LYNX1: variants seen among roughly 807,000 people sequenced by gnomAD.
LYNX1 encodes the protein ly-6/neurotoxin-like protein 1.
In LYNX1, 8 loss-of-function variants were observed where a neutral mutation model predicts 8.3. The observed-to-expected ratio is 0.97, with a 90% confidence interval of 0.57 to 1.74. The LOEUF (loss-of-function observed/expected upper bound fraction) is 1.74. Among genes scored for constraint, LYNX1 ranks in the 40% most tolerant of loss-of-function variants. The pLI, the probability that LYNX1 is intolerant of heterozygous loss-of-function variation, is 0.00. For missense variants in LYNX1, 158 were observed against 159.7 expected (o/e 0.99, Z 0.06); for synonymous variants, 73 against 67.9 (o/e 1.08, Z -0.37).
rs1167927558 is a variant in LYNX1 at position 142,772,260 on chromosome 8, T to A, written c.*2907A>T. 1 of 985,850 alleles carries A rather than the reference T, an allele frequency of 1.0e-6. No homozygotes were observed. The highest frequency in any genetic ancestry group is 1.7e-5 in the African/African-American group (1 of 57,242). The allele number at this position is 985,850 out of a possible 1,614,324, so 61.1% of individuals were successfully genotyped here. A position where few individuals can be genotyped will look rare whatever the true frequency, so the allele number is the denominator to read the frequency against. ...CCCCCATGAAGGGGACCCTCGGTTCTGCGAGAGAGATCCCCGAAGTGGGAA... is the reference window on the plus strand; with the variant it reads ...CCCCCATGAAGGGGACCCTCGGTTCAGCGAGAGAGATCCCCGAAGTGGGAA... On this transcript the variant is annotated 3_prime_UTR_variant, in exon 4 of 4. Coordinates refer to ENST00000652477, the MANE Select transcript of LYNX1 (RefSeq NM_177477.4).
chr8:142,776,156 C>A, intron 1 of LYNX1, 35 bp from the exon 2 acceptor site: 1 of 637,662 alleles, frequency 1.6e-6, no homozygotes, highest in Non-Finnish European at 2.8e-6. Context: ...GTGGTCAGTA[C>A]TGGGCCTGAA....
chr8:142,775,985 G>T lies in LYNX1; in HGVS notation c.-28C>A. 9 of 1,613,192 alleles carry T rather than the reference G, an allele frequency of 5.6e-6. No homozygotes were observed. Among genetic ancestry groups the T allele is most frequent in the Non-Finnish European group, 6.8e-6 (8 of 1,179,798 alleles). On this transcript the variant is annotated 5_prime_UTR_variant, in exon 2 of 4. Coordinates refer to ENST00000652477, the MANE Select transcript of LYNX1 (RefSeq NM_177477.4). ...CTGCAGGCAGGAGGGCAGCGTGGGA[G>T]TGGGGAGGTCAACAGCAGCTAGCCC...
At position 142,771,302 on chromosome 8, in the gene LYNX1, A is replaced by C. The variant is rs1356992327; in HGVS notation, c.*3865T>G. The C allele has an allele frequency of 2.0e-6, 2 of 985,438 alleles. No homozygotes were observed. Among genetic ancestry groups the C allele is most frequent in the Non-Finnish European group, 2.4e-6 (2 of 830,012 alleles). 61.0% of individuals were successfully genotyped at this position (985,438 alleles called of 1,614,324 possible). A position where few individuals can be genotyped will look rare whatever the true frequency, so the allele number is the denominator to read the frequency against. ...TTAGCAGCAGGGGCATGGCCCTGGG[A>C]AGCACCTGGACCCCAGAACATAAGA... On this transcript the variant is annotated 3_prime_UTR_variant, in exon 4 of 4. Coordinates refer to ENST00000652477, the MANE Select transcript of LYNX1 (RefSeq NM_177477.4).
Position 142,771,807 on chromosome 8 carries a change from C to A in LYNX1, c.*3360G>T, listed in dbSNP as rs950719927. On this transcript the variant is annotated 3_prime_UTR_variant, in exon 4 of 4. Coordinates refer to ENST00000652477, the MANE Select transcript of LYNX1 (RefSeq NM_177477.4). ...GAGGCGGCAGCTGGCCTGGCTCCCC[C>A]ACTTCCCCAGGACCTCCGCCTGGAG... 6.1e-6 allele frequency: 6 copies of A among 985,764 alleles called. No individual in the cohort carries two copies. The highest frequency in any genetic ancestry group is 6.1e-5 in the Admixed American group (1 of 16,276). The allele number at this position is 985,764 out of a possible 1,614,324, so 61.1% of individuals were successfully genotyped here.
chr8:142,773,285 C>T lies in LYNX1; in HGVS notation c.*1882G>A, dbSNP rs1214870112. Reference sequence around the variant, plus strand: ...GGGCCCTTGGGAGCTCTGGGAGGCACCTGGCAGCCTCCCAGACACCCCGGG... The same window carrying T: ...GGGCCCTTGGGAGCTCTGGGAGGCATCTGGCAGCCTCCCAGACACCCCGGG... On this transcript the variant is annotated 3_prime_UTR_variant, in exon 4 of 4. Coordinates refer to ENST00000652477, the MANE Select transcript of LYNX1 (RefSeq NM_177477.4). The T allele has an allele frequency of 2.0e-6, 2 of 985,266 alleles. No individual in the cohort carries two copies. Among genetic ancestry groups the T allele is most frequent in the Non-Finnish European group, 2.4e-6 (2 of 829,950 alleles). The allele number at this position is 985,266 out of a possible 1,614,324, so 61.0% of individuals were successfully genotyped here.
Position 142,774,717 on chromosome 8 carries a change from G to A in LYNX1, c.*450C>T, listed in dbSNP as rs587768132. 4.4e-4 allele frequency: 443 copies of A among 1,009,964 alleles called. 7 individuals carry two copies. The South Asian group carries it at 0.017, about 39-fold the overall frequency. The allele number at this position is 1,009,964 out of a possible 1,614,324, so 62.6% of individuals were successfully genotyped here. On this transcript the variant is annotated 3_prime_UTR_variant, in exon 4 of 4. Transcript: ENST00000652477. The stretch of plus-strand genomic sequence containing the variant: ...CTCAGTAGGAAGCGTGACTAGGCCT[G>A]GAGGAGCCTTTCCTCCTAAGAGTCT...
chr8:142,774,658 C>A lies in LYNX1; in HGVS notation c.*509G>T. The stretch of plus-strand genomic sequence containing the variant: ...GGTGCCAAAGGCCCTCCTCCCACAG[C>A]CCTGATCCCGTACCGGTCCTGGCAG... On this transcript the variant is annotated 3_prime_UTR_variant, in exon 4 of 4. Transcript: ENST00000652477. 1.0e-6 allele frequency: 1 copy of A among 989,794 alleles called. No individual in the cohort carries two copies. The highest frequency in any genetic ancestry group is 4.6e-5 in the South Asian group (1 of 21,540). The allele number at this position is 989,794 out of a possible 1,614,324, so 61.3% of individuals were successfully genotyped here.
At position 142,773,075 on chromosome 8, in the gene LYNX1, T is replaced by C. The variant is rs377589965; in HGVS notation, c.*2092A>G. 4 of 985,472 alleles carry C rather than the reference T, an allele frequency of 4.1e-6. No individual in the cohort carries two copies. Among genetic ancestry groups the C allele is most frequent in the Middle Eastern group, 5.2e-4 (1 of 1,916 alleles). 61.0% of individuals were successfully genotyped at this position (985,472 alleles called of 1,614,324 possible). ...CTGATCCTGGAGTCCCTCCCAGCCC[T>C]GGCTGAGGAAGCCACCCAACCCGAC... On this transcript the variant is annotated 3_prime_UTR_variant, in exon 4 of 4. Transcript: ENST00000652477.
In LYNX1 at chr8:142,774,990, A is replaced by T; in HGVS notation, c.*177T>A. 7.0e-7 allele frequency: 1 copy of T among 1,434,730 alleles called. No individual in the cohort carries two copies. The highest frequency in any genetic ancestry group is 9.1e-7 in the Non-Finnish European group (1 of 1,098,784). The allele number at this position is 1,434,730 out of a possible 1,614,324, so 88.9% of individuals were successfully genotyped here. On this transcript the variant is annotated 3_prime_UTR_variant, in exon 4 of 4. Coordinates refer to ENST00000652477, the MANE Select transcript of LYNX1 (RefSeq NM_177477.4). ...ACAGCATCGAAAGGTCAAGGCCTCG[A>T]AGTGAGGTCGTGTGGTGGTTGGGGG...
At position 142,772,492 on chromosome 8, in the gene LYNX1, C is replaced by T. The variant is rs367696695; in HGVS notation, c.*2675G>A. The T allele has an allele frequency of 1.0e-5, 10 of 985,360 alleles. No homozygotes were observed. The highest frequency in any genetic ancestry group is 2.3e-4 in the East Asian group (2 of 8,828). The allele number at this position is 985,360 out of a possible 1,614,324, so 61.0% of individuals were successfully genotyped here. A position where few individuals can be genotyped will look rare whatever the true frequency, so the allele number is the denominator to read the frequency against. On this transcript the variant is annotated 3_prime_UTR_variant, in exon 4 of 4. Transcript: ENST00000652477. ...AAGGAACCCCAGCTGGTGGGAGAAGCGGCTGCACTGTGGTGCAGGGGGTGG... is the reference window on the plus strand; with the variant it reads ...AAGGAACCCCAGCTGGTGGGAGAAGTGGCTGCACTGTGGTGCAGGGGGTGG...
At chr8:142,776,256 C>T (rs1815420679) in intron 1 of LYNX1, 135 bp from the exon 2 acceptor site, 1 of 485,600 alleles carries the variant, frequency 2.1e-6, no homozygotes, top group Non-Finnish European at 3.8e-6. Context: ...GAGGAGGAGA[C>T]ACTTGGGATG....
Position 142,771,524 on chromosome 8 carries a change from C to G in LYNX1, c.*3643G>C. 1 of 985,450 alleles carries G rather than the reference C, an allele frequency of 1.0e-6. No individual in the cohort carries two copies. Among genetic ancestry groups the G allele is most frequent in the Non-Finnish European group, 1.2e-6 (1 of 829,958 alleles). 61.0% of individuals were successfully genotyped at this position (985,450 alleles called of 1,614,324 possible). A position where few individuals can be genotyped will look rare whatever the true frequency, so the allele number is the denominator to read the frequency against. On this transcript the variant is annotated 3_prime_UTR_variant, in exon 4 of 4. Transcript: ENST00000652477. ...TGCCCAGGTGGCTCTGTCCACCCTT[C>G]TGTCTGGGAGGCTCCTTAAGGCTGG...
chr8:142,774,012 G>A lies in LYNX1; in HGVS notation c.*1155C>T, dbSNP rs902729325. ...GACCCCTGCTTCCCAGGCCTGGGGT[G>A]GGGTCCCTGGGAGTCCACACACCCA... On this transcript the variant is annotated 3_prime_UTR_variant, in exon 4 of 4. Transcript: ENST00000652477. 6.1e-6 allele frequency: 6 copies of A among 985,448 alleles called. No homozygotes were observed. The highest frequency in any genetic ancestry group is 7.2e-6 in the Non-Finnish European group (6 of 829,980). The allele number at this position is 985,448 out of a possible 1,614,324, so 61.0% of individuals were successfully genotyped here.
rs1003341372 is a variant in LYNX1, at chr8:142,775,911, G to C, written c.47C>G (p.Pro16Arg). The C allele has an allele frequency of 5.6e-6, 9 of 1,614,176 alleles. No homozygotes were observed. Among genetic ancestry groups the C allele is most frequent in the Non-Finnish European group, 7.6e-6 (9 of 1,180,030 alleles). The change falls in exon 2 of 4, where the codon CCT (proline) becomes CGT (arginine). Residue 16 changes from proline (P) to arginine (R), a missense_variant. Coordinates refer to ENST00000652477, the MANE Select transcript of LYNX1 (RefSeq NM_177477.4). The stretch of plus-strand genomic sequence containing the variant: ...CTGTCCTTTGTCCATCTTACCCAGA[G>C]GTAAGCCCATGAGGACCACCAGGAT... ...TLILVVLMGLPLAQALDCHVC... is the reference protein window; with the variant it reads ...TLILVVLMGLRLAQALDCHVC...
chr8:142,773,329 C>T lies in LYNX1; in HGVS notation c.*1838G>A. 1 of 985,630 alleles carries T rather than the reference C, an allele frequency of 1.0e-6. No homozygotes were observed. The highest frequency in any genetic ancestry group is 1.2e-6 in the Non-Finnish European group (1 of 830,124). The allele number at this position is 985,630 out of a possible 1,614,324, so 61.1% of individuals were successfully genotyped here. A position where few individuals can be genotyped will look rare whatever the true frequency, so the allele number is the denominator to read the frequency against. The stretch of plus-strand genomic sequence containing the variant: ...CCCCGGGCCGGTCCTGCTCTCCAGG[C>T]TTAGGGCTACAGCCACAACCACTGG... On this transcript the variant is annotated 3_prime_UTR_variant, in exon 4 of 4. Transcript: ENST00000652477.
Position 142,772,206 on chromosome 8 carries a change from C to G in LYNX1, c.*2961G>C. ...TGTCCAGGACTCAGGTCCACACAGACAGTGGCAACAGCTAGCCCTGGGCAT... is the reference window on the plus strand; with the variant it reads ...TGTCCAGGACTCAGGTCCACACAGAGAGTGGCAACAGCTAGCCCTGGGCAT... On this transcript the variant is annotated 3_prime_UTR_variant, in exon 4 of 4. Transcript: ENST00000652477. The G allele has an allele frequency of 1.0e-6, 1 of 986,064 alleles. No individual in the cohort carries two copies. Among genetic ancestry groups the G allele is most frequent in the Non-Finnish European group, 1.2e-6 (1 of 830,034 alleles). The allele number at this position is 986,064 out of a possible 1,614,324, so 61.1% of individuals were successfully genotyped here.
At position 142,775,229 on chromosome 8, in the gene LYNX1, C is replaced by A; in HGVS notation, c.289G>T (p.Ala97Ser). Residue 97 changes from alanine (A) to serine (S), a missense_variant, in exon 4 of 4, where the codon GCC becomes TCC. Ala to Ser is a moderately conservative substitution (Grantham distance 99). Transcript: ENST00000652477. ...GCCAGGGCCAGGGTGGCCGGGGTGGCAAGGCCGGTGCCGTTGCAGAGGTCG... is the reference window on the plus strand; with the variant it reads ...GCCAGGGCCAGGGTGGCCGGGGTGGAAAGGCCGGTGCCGTTGCAGAGGTCG... The part of the protein sequence containing the change: ...QYDLCNGTGL[A>S]TPATLALAPI... 6.2e-7 allele frequency: 1 copy of A among 1,613,468 alleles called. No homozygotes were observed. The highest frequency in any genetic ancestry group is 8.5e-7 in the Non-Finnish European group (1 of 1,179,772).
chr8:142,776,363 G>T, intron 1 of LYNX1: 1 of 270,646 alleles, frequency 3.7e-6, no homozygotes, highest in South Asian at 4.3e-5. Flanking sequence ...GAGAGATGGG[G>T]GGAGGATGAG....
chr8:142,775,624 A>G lies in LYNX1; in HGVS notation c.123T>C (p.Ala41=). ...DNCFNPMRCP[A]MVAYCMTTRT... is the part of the protein sequence containing the mutation. Reference sequence around the variant, plus strand: ...GCGTGGTCATGCAGTAGGCAACCATAGCCGGGCAGCGCATGGGGTTGAAGC... The same window carrying G: ...GCGTGGTCATGCAGTAGGCAACCATGGCCGGGCAGCGCATGGGGTTGAAGC... The change falls in exon 3 of 4, where the codon GCT becomes GCC. Residue 41 remains alanine (A), a synonymous_variant. Transcript: ENST00000652477. 1 of 1,601,274 alleles carries G rather than the reference A, an allele frequency of 6.2e-7. No individual in the cohort carries two copies. Among genetic ancestry groups the G allele is most frequent in the Non-Finnish European group, 8.5e-7 (1 of 1,173,992 alleles).
Sources: gnomAD v4.1 joint callset for allele counts on GRCh38, gnomAD v4.1.1 for gene constraint, MANE v1.5 for transcripts, NCBI Gene and HGNC (gene_info 2026-07-23, HGNC 2026-07-21) for gene names.